Variants in ANKS1B observed in about 807,000 individuals in gnomAD.
The protein encoded by ANKS1B is ankyrin repeat and sterile alpha motif domain-containing protein 1B.
A neutral mutation model predicts 148.3 loss-of-function variants in ANKS1B; 36 were observed. That is an observed-to-expected ratio of 0.24 (90% CI 0.19 to 0.32). The LOEUF is 0.32. Ranked by LOEUF, ANKS1B falls within the 10% of genes least tolerant of loss-of-function variation. The pLI, the probability that ANKS1B is intolerant of heterozygous loss-of-function variation, is 1.00. For synonymous variants in ANKS1B, 542 were observed against 560.8 expected, an observed-to-expected ratio of 0.97 and a Z score of 0.47; for missense variants, 1,157 against 1,542.6, an observed-to-expected ratio of 0.75 and a Z score of 4.19.
At chr12:98,940,361 G>C (rs2099834717) in intron 17 of ANKS1B, among the ~76,000 whole-genome samples, 1 of 152,338 alleles carries the variant, frequency 6.6e-6, no homozygotes, top group South Asian at 2.1e-4. Flanking sequence ...GGCCTGTGCT[G>C]TGAGGAGGGG....
chr12:99,209,574 T>C (rs1371809150), intron 14 of ANKS1B, among the ~76,000 whole-genome samples: 1 of 152,164 alleles, frequency 6.6e-6, no homozygotes, highest in African/African-American at 2.4e-5. Flanking sequence ...ACAAGTCTCA[T>C]GCTTGATGTG....
chr12:99,098,111 A>G (rs184565889), intron 15 of ANKS1B, among the ~76,000 whole-genome samples: 499 of 152,342 alleles, frequency 3.3e-3, no homozygotes, highest in South Asian at 9.7e-3. Context: ...GAACAATTCT[A>G]TAAAATAGAT....
intron 11 of ANKS1B, among the ~76,000 whole-genome samples, chr12:99,409,543 G>T (rs1253776200): frequency 2.0e-5 from 3 of 152,088 alleles, no homozygotes; most frequent in Non-Finnish European, 4.4e-5. Flanking sequence ...AAAAATGCTT[G>T]AGTTGATGAA....
rs2098932427 is a variant in ANKS1B at position 98,794,792 on chromosome 12, C to G, written c.3342+4142G>C. 1.1e-5 allele frequency: 16 copies of G among 1,454,010 alleles called. No homozygotes were observed. The South Asian group carries it at 1.8e-4, about 17-fold the overall frequency. 90.1% of individuals were successfully genotyped at this position (1,454,010 alleles called of 1,614,324 possible). On this transcript the variant is annotated intron_variant, in intron 22 of 26. Coordinates refer to ENST00000683438, the MANE Select transcript of ANKS1B (RefSeq NM_001352186.2). ...GAGAATTGAAGAGATCAAACAGAAA[C>G]ACGAAGCTTAATGAACAGATTGAAG...
At chr12:99,246,965 T>C in intron 12 of ANKS1B, 101 bp from the exon 13 acceptor site, 1 of 893,150 alleles carries the variant, frequency 1.1e-6, no homozygotes, top group Non-Finnish European at 1.7e-6. Flanking sequence ...AAACATTTCA[T>C]TTACTGCTAC....
At chr12:99,415,784 C>T (rs2094882921) in intron 11 of ANKS1B, among the ~76,000 whole-genome samples, 1 of 151,972 alleles carries the variant, frequency 6.6e-6, no homozygotes, top group African/African-American at 2.4e-5. Context: ...CCCAGGTTCA[C>T]GCCATTTTCC....
intron 17 of ANKS1B, among the ~76,000 whole-genome samples, chr12:98,868,352 A>T (rs1025317165): frequency 6.6e-6 from 1 of 152,246 alleles, no homozygotes; most frequent in Non-Finnish European, 1.5e-5. Flanking sequence ...CTAGGAATCC[A>T]GCTGTCTGGA....
chr12:99,669,212 C>G (rs1411812565), intron 8 of ANKS1B, among the ~76,000 whole-genome samples: 1 of 152,042 alleles, frequency 6.6e-6, no homozygotes, highest in Non-Finnish European at 1.5e-5. Context: ...ACTCTGTCAC[C>G]TAGGCTGGAG....
chr12:98,804,181 A>G (rs2099030813), intron 20 of ANKS1B, among the ~76,000 whole-genome samples: 1 of 152,166 alleles, frequency 6.6e-6, no homozygotes, highest in African/African-American at 2.4e-5. Flanking sequence ...AAGAAATATA[A>G]TACTTATTTC....
intron 15 of ANKS1B, among the ~76,000 whole-genome samples, chr12:99,105,216 C>G (rs17464126): frequency 0.094 from 14,244 of 152,212 alleles, 842 homozygotes; most frequent in South Asian, 0.22. Context: ...ACACTCTGGA[C>G]AACATGAAGA....
chr12:99,503,660 T>A (rs917042654), intron 10 of ANKS1B, among the ~76,000 whole-genome samples: 22 of 152,276 alleles, frequency 1.4e-4, no homozygotes, highest in Admixed American at 3.9e-4. Context: ...TTTCCCAGTG[T>A]CTTATTTCCC....
At chr12:99,699,859 A>G (rs1271935917) in intron 8 of ANKS1B, among the ~76,000 whole-genome samples, 7 of 152,218 alleles carry the variant, frequency 4.6e-5, no homozygotes, top group Admixed American at 4.6e-4. Flanking sequence ...CATATTTAAA[A>G]TAAGCTGTTT....
At chr12:99,146,931 T>C (rs2073327390) in intron 15 of ANKS1B, among the ~76,000 whole-genome samples, 1 of 152,092 alleles carries the variant, frequency 6.6e-6, no homozygotes, top group African/African-American at 2.4e-5. Context: ...TTTTTGTAAA[T>C]AAAGTTTTAT....
intron 15 of ANKS1B, among the ~76,000 whole-genome samples, chr12:99,120,094 G>A (rs1223384971): frequency 2.0e-5 from 3 of 152,314 alleles, no homozygotes; most frequent in Admixed American, 6.5e-5. Flanking sequence ...CACCCTGGAC[G>A]GGACACCCTC....
chr12:98,900,581 G>C (rs1178093442), intron 17 of ANKS1B, among the ~76,000 whole-genome samples: 1 of 152,182 alleles, frequency 6.6e-6, no homozygotes, highest in Non-Finnish European at 1.5e-5. Context: ...AAGTAAGAGA[G>C]AGTGAGAGCA....
At chr12:99,829,033 A>T (rs2083566204) in intron 1 of ANKS1B, among the ~76,000 whole-genome samples, 1 of 152,160 alleles carries the variant, frequency 6.6e-6, no homozygotes, top group Non-Finnish European at 1.5e-5. Flanking sequence ...GATACTTAGA[A>T]AAAAAAGGCA....
At chr12:99,105,664 T>C (rs1183001241) in intron 15 of ANKS1B, among the ~76,000 whole-genome samples, 1 of 146,840 alleles carries the variant, frequency 6.8e-6, no homozygotes, top group Admixed American at 6.9e-5. Flanking sequence ...AGCTACTCGG[T>C]AGGCTGAGGC....
chr12:99,142,315 G>T (rs1338790955), intron 15 of ANKS1B, among the ~76,000 whole-genome samples: 1 of 152,058 alleles, frequency 6.6e-6, no homozygotes, highest in Non-Finnish European at 1.5e-5. Flanking sequence ...AGAGTTTATT[G>T]GTTGCCATTT....
chr12:99,181,725 C>A (rs997179082), intron 14 of ANKS1B, among the ~76,000 whole-genome samples: 1 of 151,890 alleles, frequency 6.6e-6, no homozygotes. Flanking sequence ...TACAGGCATA[C>A]AATGTGTAAT....
Sources: gnomAD v4.1 joint callset for allele counts (sites outside exome capture counted in the v4.1 genomes callset) on GRCh38, gnomAD v4.1.1 for gene constraint, MANE v1.5 for transcripts, NCBI Gene and HGNC (gene_info 2026-07-23, HGNC 2026-07-21) for gene names.